SLC26A8: variants seen among roughly 807,000 people sequenced by gnomAD.
SLC26A8 encodes testis anion transporter 1.
SLC26A8 carries 70 observed loss-of-function variants against 105.0 expected under a neutral mutation model. That is an observed-to-expected ratio of 0.67 (90% CI 0.55 to 0.81). The LOEUF is 0.81. SLC26A8 is among the 40% of genes least tolerant of loss of function. The pLI, the probability that SLC26A8 is intolerant of heterozygous loss-of-function variation, is 0.00. For synonymous variants in SLC26A8, 415 were observed against 438.3 expected, an observed-to-expected ratio of 0.95 and a Z score of 0.66; for missense variants, 998 against 1,181.8, an observed-to-expected ratio of 0.84 and a Z score of 2.28.
intron 10 of SLC26A8, among the ~76,000 whole-genome samples, chr6:35,974,001 A>C (rs1772899089): frequency 6.6e-6 from 1 of 152,122 alleles, no homozygotes; most frequent in Non-Finnish European, 1.5e-5. Flanking sequence ...GCCTGTTGTA[A>C]TTTTATCTAG....
chr6:35,960,972 C>T lies in SLC26A8; in HGVS notation c.1568+21G>A, dbSNP rs763430843. ...TGGCTTACCTTGCCTTGTTAACCTC[C>T]TATTACCTGAGACAAAGTACCTGTG... On this transcript the variant is annotated intron_variant, in intron 13 of 19. Coordinates refer to ENST00000490799, the MANE Select transcript of SLC26A8 (RefSeq NM_052961.4). 6 of 1,613,776 alleles carry T rather than the reference C, an allele frequency of 3.7e-6. No individual in the cohort carries two copies. In the Admixed American group the frequency reaches 8.3e-5, roughly 22 times the overall value.
chr6:35,984,324 T>TTA lies in SLC26A8; in HGVS notation c.943-2122_943-2121insTA, dbSNP rs1385008977. Among the ~76,000 whole-genome samples, 5 of 52,840 alleles carry TTA rather than the reference T, an allele frequency of 9.5e-5. No homozygotes were observed. The East Asian group carries it at 1.6e-3, about 17-fold the overall frequency. The allele number at this position is 52,840 out of a possible 152,430, so 34.7% of individuals were successfully genotyped here. A position where few individuals can be genotyped will look rare whatever the true frequency, so the allele number is the denominator to read the frequency against. On this transcript the variant is annotated intron_variant, in intron 7 of 19. Coordinates refer to ENST00000490799, the MANE Select transcript of SLC26A8 (RefSeq NM_052961.4). ...CTTTCTTTCTTCTTCTTCTTATTTT[T>TTA]TTTTTTTTTTTTTTTGAGACAGAGT...
intron 3 of SLC26A8, among the ~76,000 whole-genome samples, chr6:36,001,206 G>A (rs188045625): frequency 5.3e-5 from 8 of 151,958 alleles, no homozygotes; most frequent in African/African-American, 1.7e-4. Flanking sequence ...TCGGCTCCCC[G>A]CGAGCTCCAC....
intron 4 of SLC26A8, among the ~76,000 whole-genome samples, chr6:35,998,526 G>C (rs1331265443): frequency 6.7e-6 from 1 of 149,394 alleles, no homozygotes. Context: ...TTGCACTCCA[G>C]CCTGGGCAAC....
intron 3 of SLC26A8, among the ~76,000 whole-genome samples, chr6:36,003,880 C>G (rs1439598986): frequency 6.6e-6 from 1 of 151,952 alleles, no homozygotes; most frequent in Non-Finnish European, 1.5e-5. Context: ...CCAGGATGGT[C>G]TCGATCTCCT....
intron 8 of SLC26A8, among the ~76,000 whole-genome samples, chr6:35,979,356 G>A (rs1474621432): frequency 6.6e-6 from 1 of 151,870 alleles, no homozygotes; most frequent in Non-Finnish European, 1.5e-5. Context: ...GGTGCTTGTA[G>A]TCCCAGCTAC....
chr6:35,949,174 C>T (rs553620701), intron 19 of SLC26A8, among the ~76,000 whole-genome samples: 46 of 152,018 alleles, frequency 3.0e-4, no homozygotes, highest in Non-Finnish European at 6.2e-4. Flanking sequence ...TGGCTCATGC[C>T]TGTAATCCCA....
chr6:35,951,101 A>ACCCCAACCCC, intron 19 of SLC26A8, 62 bp downstream of exon 19: 1 of 1,072,410 alleles, frequency 9.3e-7, no homozygotes. Context: ...ACCACCCCTC[A>ACCCCAACCCC]CCCATCCCCC....
At chr6:36,012,203 T>C (rs1338628315) in intron 3 of SLC26A8, 30 bp downstream of exon 3, 6 of 1,606,736 alleles carry the variant, frequency 3.7e-6, no homozygotes, top group Non-Finnish European at 5.1e-6. Flanking sequence ...TACATTGTCT[T>C]TGGATGAACA....
rs781073635 is a variant in SLC26A8, at chr6:35,982,120, C to A, written c.1025+1G>T. 11 of 1,614,010 alleles carry A rather than the reference C, an allele frequency of 6.8e-6. No homozygotes were observed. The highest frequency in any genetic ancestry group is 9.3e-6 in the Non-Finnish European group (11 of 1,179,954). On this transcript the variant is annotated splice_donor_variant, in intron 8 of 19. Coordinates refer to ENST00000490799, the MANE Select transcript of SLC26A8 (RefSeq NM_052961.4). LOFTEE classifies it high-confidence loss of function. ...CAATCTTGAAAAGTGGAATTACTGA[C>A]CTATAAGGAATCATGTCAATAAGCG...
In SLC26A8 at chr6:35,944,066, G is replaced by A. The variant is rs1484930540; in HGVS notation, c.2747C>T (p.Ser916Phe). ...AGGAAAAGTGTGAGCTCTTGGCCTA[G>A]ATTTGGGGTTGGGCTCCATCTCAGG... ...TEPEMEPNPK[S>F]RPRAHTFPQQ... The change falls in exon 20 of 20, where the codon TCT becomes TTT. Residue 916 changes from serine to phenylalanine, a missense_variant. Physicochemically the swap from Ser to Phe is radical, Grantham distance 155. Transcript: ENST00000490799. 2 of 1,614,138 alleles carry A rather than the reference G, an allele frequency of 1.2e-6. No homozygotes were observed. The highest frequency in any genetic ancestry group is 1.7e-6 in the Non-Finnish European group (2 of 1,180,026).
intron 8 of SLC26A8, among the ~76,000 whole-genome samples, chr6:35,979,871 T>G (rs1773203499): frequency 6.6e-6 from 1 of 152,236 alleles, no homozygotes; most frequent in Non-Finnish European, 1.5e-5. Context: ...AAGAGAAAGC[T>G]CAAAGCAACG....
chr6:35,944,254 A>G lies in SLC26A8; in HGVS notation c.2559T>C (p.Pro853=), dbSNP rs1446587679. ...AATCCAACTCCGACTCCTCTTCTAC[A>G]GGCTGTTGGATCTTGATGAAGCCTG... The part of the protein sequence containing the change: ...VSPGFIKIQQ[P]VEEESELDLE... The change falls in exon 20 of 20, where the codon CCT becomes CCC. Residue 853 remains proline (P), a synonymous_variant. Coordinates refer to ENST00000490799, the MANE Select transcript of SLC26A8 (RefSeq NM_052961.4). 8 of 1,614,024 alleles carry G rather than the reference A, an allele frequency of 5.0e-6. No homozygotes were observed. In the East Asian group the frequency reaches 1.8e-4, roughly 36 times the overall value.
At chr6:36,012,089 C>A in intron 3 of SLC26A8, 144 bp downstream of exon 3, 1 of 1,160,488 alleles carries the variant, frequency 8.6e-7, no homozygotes. Flanking sequence ...AGAAATCTGG[C>A]AGATAAGGGA....
chr6:35,954,288 A>AT (rs1771977009), intron 17 of SLC26A8, among the ~76,000 whole-genome samples: 1 of 152,162 alleles, frequency 6.6e-6, no homozygotes, highest in Non-Finnish European at 1.5e-5. Context: ...TTTTCACCTG[A>AT]TGATGTGTCA....
intron 7 of SLC26A8, among the ~76,000 whole-genome samples, chr6:35,984,780 C>T (rs1773425231): frequency 6.6e-6 from 1 of 152,092 alleles, no homozygotes; most frequent in South Asian, 2.1e-4. Context: ...ATTCTAAGGC[C>T]CCCAGTCATC....
chr6:36,010,758 C>G (rs186870083), intron 3 of SLC26A8, among the ~76,000 whole-genome samples: 32 of 152,024 alleles, frequency 2.1e-4, no homozygotes, highest in Non-Finnish European at 3.7e-4. Context: ...AGGCTGGTCT[C>G]AAACTCCTGA....
chr6:35,960,648 G>T, intron 14 of SLC26A8, 195 bp downstream of exon 14: 1 of 617,390 alleles, frequency 1.6e-6, no homozygotes, highest in Non-Finnish European at 2.8e-6. Context: ...GGGTGACAGA[G>T]CAAGACTCTG....
At chr6:35,948,936 G>A (rs982836238) in intron 19 of SLC26A8, among the ~76,000 whole-genome samples, 1 of 152,184 alleles carries the variant, frequency 6.6e-6, no homozygotes, top group Admixed American at 6.5e-5. Flanking sequence ...GCCATGTGGG[G>A]ATGCTGCTGA....
Sources: gnomAD v4.1 joint callset for allele counts (sites outside exome capture counted in the v4.1 genomes callset) on GRCh38, gnomAD v4.1.1 for gene constraint, MANE v1.5 for transcripts, NCBI Gene and HGNC (gene_info 2026-07-23, HGNC 2026-07-21) for gene names.